The following VRK2 variants were observed in gnomAD, a reference collection of about 807,000 sequenced individuals.
The protein encoded by VRK2 is VRK serine/threonine kinase 2, also known as serine/threonine-protein kinase VRK2.
Under a neutral mutation model 57.6 loss-of-function variants are expected in VRK2, and 60 were observed. The ratio of observed to expected loss-of-function variants is 1.04; its 90% CI spans 0.85 to 1.29. VRK2 has a LOEUF of 1.29. VRK2 is among the 50% of genes most tolerant of loss of function. The pLI, the probability that VRK2 is intolerant of heterozygous loss-of-function variation, is 0.00. For missense variants in VRK2, 705 were observed against 588.1 expected, an observed-to-expected ratio of 1.20 and a Z score of -2.06; for synonymous variants, 231 against 199.2, an observed-to-expected ratio of 1.16 and a Z score of -1.35.
intron 1 of VRK2, among the ~76,000 whole-genome samples, chr2:57,982,583 T>A (rs192179818): frequency 2.4e-3 from 363 of 151,956 alleles, no homozygotes; most frequent in Admixed American, 5.6e-3. Context: ...ACTCTGAAGG[T>A]TAGGTGGGGT....
chr2:58,079,124 G>A (rs529006542), intron 2 of VRK2, among the ~76,000 whole-genome samples: 1 of 152,064 alleles, frequency 6.6e-6, no homozygotes, highest in East Asian at 1.9e-4. Context: ...CTTCAATTTG[G>A]GTTTGCTTTA....
chr2:57,997,894 CAAAAAGAAAAA>C (rs998914248), intron 1 of VRK2, among the ~76,000 whole-genome samples: 23 of 63,562 alleles, frequency 3.6e-4, no homozygotes, highest in African/African-American at 2.3e-3. Context: ...GGAAGACACT[CAAAAAGAAAAA>C]AAAAAGAAAA....
chr2:57,915,765 G>A (rs1572854800), intron 1 of VRK2, among the ~76,000 whole-genome samples: 1 of 152,190 alleles, frequency 6.6e-6, no homozygotes, highest in Admixed American at 6.6e-5. Flanking sequence ...GTACCGGTTT[G>A]TGGCCTGTTA....
chr2:57,933,001 A>C (rs1670780502), intron 1 of VRK2, among the ~76,000 whole-genome samples: 2 of 151,770 alleles, frequency 1.3e-5, no homozygotes, highest in Admixed American at 1.3e-4. Flanking sequence ...CCTGTTATTG[A>C]TTTCTAGTTT....
At chr2:58,118,965 G>C (rs1676976452) in intron 7 of VRK2, among the ~76,000 whole-genome samples, 2 of 152,162 alleles carry the variant, frequency 1.3e-5, no homozygotes, top group Non-Finnish European at 2.9e-5. Context: ...TAATCACTCA[G>C]TTAAGGTGGG....
intron 1 of VRK2, among the ~76,000 whole-genome samples, chr2:57,934,237 T>C (rs1424481352): frequency 6.6e-6 from 1 of 152,226 alleles, no homozygotes; most frequent in Admixed American, 6.5e-5. Flanking sequence ...TTTCATACTT[T>C]CATATATTTT....
At chr2:58,089,862 C>G in intron 7 of VRK2, 139 bp downstream of exon 7, 1 of 605,392 alleles carries the variant, frequency 1.7e-6, no homozygotes, top group Non-Finnish European at 2.9e-6. Context: ...ACCTGCTTAT[C>G]TAATTTAATC....
chr2:57,936,986 T>C (rs1414615466), intron 1 of VRK2, among the ~76,000 whole-genome samples: 1 of 152,198 alleles, frequency 6.6e-6, no homozygotes, highest in African/African-American at 2.4e-5. Flanking sequence ...ATCTGCTCTT[T>C]CCCCAGCAGG....
At chr2:57,980,857 C>T (rs528778908) in intron 1 of VRK2, among the ~76,000 whole-genome samples, 23 of 151,364 alleles carry the variant, frequency 1.5e-4, no homozygotes, top group African/African-American at 4.9e-4. Context: ...GCAACGCTTG[C>T]TTTTTTTTTC....
At chr2:58,050,706 A>G (rs1182355938) in intron 2 of VRK2, among the ~76,000 whole-genome samples, 1 of 152,216 alleles carries the variant, frequency 6.6e-6, no homozygotes, top group Non-Finnish European at 1.5e-5. Flanking sequence ...GTATACCTGT[A>G]TGTATCTATG....
upstream of VRK2, chr2:58,046,465 GGTTGT>G (rs1674760246): frequency 4.1e-6 from 4 of 982,774 alleles, no homozygotes; most frequent in Non-Finnish European, 4.8e-6. Flanking sequence ...GTAGTACTCA[GGTTGT>G]GGTACAGGAG....
intron 2 of VRK2, among the ~76,000 whole-genome samples, chr2:58,050,047 C>T (rs895806362): frequency 6.6e-6 from 1 of 152,028 alleles, no homozygotes; most frequent in African/African-American, 2.4e-5. Context: ...TGAAAAAATA[C>T]TATGGTTATT....
At chr2:58,112,442 A>T (rs10203887) in intron 7 of VRK2, among the ~76,000 whole-genome samples, 13,025 of 152,104 alleles carry the variant, frequency 0.086, 592 homozygotes, top group South Asian at 0.14. Flanking sequence ...AAAATTCTAG[A>T]CTGTCTTTCT....
intron 1 of VRK2, among the ~76,000 whole-genome samples, chr2:57,981,100 A>G (rs1393300910): frequency 6.6e-6 from 1 of 152,120 alleles, no homozygotes; most frequent in Non-Finnish European, 1.5e-5. Context: ...GTTTTTATGT[A>G]GATTTGATTG....
intron 7 of VRK2, among the ~76,000 whole-genome samples, chr2:58,115,179 C>T (rs556592268): frequency 4.1e-4 from 62 of 152,076 alleles, no homozygotes; most frequent in Non-Finnish European, 7.1e-4. Context: ...CATCAATAAA[C>T]CAAGTGTGTT....
intron 1 of VRK2, among the ~76,000 whole-genome samples, chr2:58,009,814 T>A (rs748601065): frequency 1.3e-5 from 2 of 152,130 alleles, no homozygotes; most frequent in African/African-American, 2.4e-5. Flanking sequence ...ACGCTTTACT[T>A]ACATGAGAGC....
At chr2:57,989,959 G>C (rs1363088484) in intron 1 of VRK2, among the ~76,000 whole-genome samples, 1 of 152,124 alleles carries the variant, frequency 6.6e-6, no homozygotes, top group Non-Finnish European at 1.5e-5. Flanking sequence ...GTTCAAGGAG[G>C]TCTGAAATCT....
intron 5 of VRK2, 22 bp from the exon 6 acceptor site, chr2:58,088,317 CTT>C (rs777687298): frequency 1.3e-6 from 2 of 1,510,846 alleles, no homozygotes; most frequent in African/African-American, 2.8e-5. Context: ...AGGATGATCT[CTT>C]TTTGATGCTT....
At chr2:58,069,890 A>AC (rs1669148248) in intron 2 of VRK2, among the ~76,000 whole-genome samples, 1 of 152,282 alleles carries the variant, frequency 6.6e-6, no homozygotes, top group East Asian at 1.9e-4. Flanking sequence ...ACCGAAGGAT[A>AC]CCAGAGGGGA....
Sources: allele counts gnomAD v4.1 joint callset (sites outside exome capture counted in the v4.1 genomes callset), GRCh38; gene constraint gnomAD v4.1.1; transcripts MANE v1.5; gene names NCBI Gene and HGNC (gene_info 2026-07-23, HGNC 2026-07-21).